ZNF385D: variants seen among roughly 807,000 people sequenced by gnomAD.
ZNF385D encodes zinc finger protein 659.
ZNF385D carries 15 observed loss-of-function variants against 35.8 expected under a neutral mutation model. The observed-to-expected ratio is 0.42, with a 90% CI of 0.28 to 0.64. The LOEUF (loss-of-function observed/expected upper bound fraction) is 0.64, where lower values mean the gene tolerates loss of function less well. Ranked by LOEUF, ZNF385D falls within the 30% of genes least tolerant of loss-of-function variation. ZNF385D has a pLI of 0.23. For missense variants in ZNF385D, 474 were observed against 494.6 expected, an observed-to-expected ratio of 0.96 and a Z score of 0.39; for synonymous variants, 212 against 186.8, an observed-to-expected ratio of 1.13 and a Z score of -1.10.
intron 2 of ZNF385D, among the ~76,000 whole-genome samples, chr3:21,608,023 G>GTTTTTTTTTGTTTTTTTTTTTTTTTTTT (rs1553622610): frequency 1.7e-5 from 2 of 120,220 alleles, no homozygotes; most frequent in African/African-American, 6.4e-5. Context: ...TTTTTTTTTT[G>GTTTTTTTTTGTTTTTTTTTTTTTTTTTT]TTTTTTTTTT....
upstream of ZNF385D, chr3:21,751,296 T>C: frequency 9.2e-7 from 1 of 1,081,168 alleles, no homozygotes; most frequent in Non-Finnish European, 1.1e-6. Context: ...ACTGCCTGCC[T>C]GGACCAACCA....
At chr3:21,857,420 A>G (rs542777861) in intron 3 of ZNF385D, among the ~76,000 whole-genome samples, 1 of 152,138 alleles carries the variant, frequency 6.6e-6, no homozygotes, top group South Asian at 2.1e-4. Flanking sequence ...CTATTTAAGT[A>G]GTTTTAAGAG....
chr3:22,113,666 G>A (rs1178972204), intron 3 of ZNF385D, among the ~76,000 whole-genome samples: 7 of 152,080 alleles, frequency 4.6e-5, no homozygotes, highest in Admixed American at 4.6e-4. Flanking sequence ...TACTAGGAGT[G>A]TCTTAGAAGC....
intron 3 of ZNF385D, among the ~76,000 whole-genome samples, chr3:22,152,006 A>AC (rs1008667685): frequency 6.6e-6 from 1 of 151,516 alleles, no homozygotes; most frequent in African/African-American, 2.4e-5. Flanking sequence ...CTCTCCTTCC[A>AC]CCCTCCACCT....
chr3:21,579,339 G>A (rs536902459), intron 2 of ZNF385D: 1 of 151,958 alleles, frequency 6.6e-6, no homozygotes, highest in Non-Finnish European at 1.5e-5. Flanking sequence ...CTGAAACGTG[G>A]GTCAAATGTT....
chr3:21,598,790 G>A lies in ZNF385D; in HGVS notation c.166-34106C>T, dbSNP rs918595536. Among the ~76,000 whole-genome samples, 28 of 152,150 alleles carry A rather than the reference G, an allele frequency of 1.8e-4. 1 individual carries two copies. Among genetic ancestry groups the A allele is most frequent in the Admixed American group, 1.8e-3 (27 of 15,284 alleles). On this transcript the variant is annotated intron_variant, in intron 2 of 7. Transcript: ENST00000281523. ...ACACAAAACACCCAATGAGTTTCACGACATATGTTCTCATGACCTCTCAGG... is the reference window on the plus strand; with the variant it reads ...ACACAAAACACCCAATGAGTTTCACAACATATGTTCTCATGACCTCTCAGG...
At chr3:21,847,015 C>T (rs1696048917) in intron 3 of ZNF385D, among the ~76,000 whole-genome samples, 1 of 152,022 alleles carries the variant, frequency 6.6e-6, no homozygotes, top group South Asian at 2.1e-4. Context: ...CCTTCTCAAG[C>T]CCCAACCAGG....
In ZNF385D at chr3:21,490,600, T is replaced by C. The variant is rs899737327; in HGVS notation, c.439+20261A>G. Among the ~76,000 whole-genome samples the C allele has an allele frequency of 2.0e-5, 3 of 152,178 alleles. No individual in the cohort carries two copies. In the South Asian group the frequency reaches 6.2e-4, roughly 32 times the overall value. ...GTCTTTTTGTAACTCAGATGTGATA[T>C]TGTGAAAAAGCCTAGGCAATATGTA... On this transcript the variant is annotated intron_variant, in intron 4 of 7. Coordinates refer to ENST00000281523, the MANE Select transcript of ZNF385D (RefSeq NM_024697.3).
At chr3:21,754,295 G>C (rs2070240942), upstream of ZNF385D, among the ~76,000 whole-genome samples, 2 of 152,130 alleles carry the variant, frequency 1.3e-5, no homozygotes, top group Non-Finnish European at 2.9e-5. Context: ...GAGCGACTTA[G>C]CAGCTTCTAG....
chr3:22,066,885 C>T (rs564353713), intron 3 of ZNF385D, among the ~76,000 whole-genome samples: 4 of 152,276 alleles, frequency 2.6e-5, no homozygotes, highest in Admixed American at 1.3e-4. Flanking sequence ...CTTTTACCTA[C>T]GCTGAATGCT....
intron 3 of ZNF385D, among the ~76,000 whole-genome samples, chr3:22,098,828 C>A (rs1200741514): frequency 2.0e-5 from 3 of 151,952 alleles, no homozygotes; most frequent in South Asian, 4.1e-4. Flanking sequence ...TACAGTGATA[C>A]TGATAGAGTA....
chr3:21,898,785 A>G (rs753965571), intron 3 of ZNF385D, among the ~76,000 whole-genome samples: 1 of 152,142 alleles, frequency 6.6e-6, no homozygotes, highest in Non-Finnish European at 1.5e-5. Context: ...CTTTCCCCTG[A>G]TAAAGCAAAG....
chr3:21,501,185 C>G (rs1706333949), intron 4 of ZNF385D, among the ~76,000 whole-genome samples: 1 of 149,088 alleles, frequency 6.7e-6, no homozygotes, highest in Non-Finnish European at 1.5e-5. Context: ...TTGGGGTCTC[C>G]TCTTTTGCCT....
At position 21,787,944 on chromosome 3, in the gene ZNF385D, C is replaced by CAAAA. The variant is rs560982379; in HGVS notation, c.326-122920_326-122917dup. On this transcript the variant is annotated intron_variant, in intron 3 of 5. Coordinates refer to the ZNF385D transcript ENST00000494108. Reference sequence around the variant, plus strand: ...GCGACAGAGCGAGACTTCGTCTCAACAAAAAAAAAAAAAAAAAAAAAAAAA... The same window carrying CAAAA: ...GCGACAGAGCGAGACTTCGTCTCAACAAAAAAAAAAAAAAAAAAAAAAAAAAAAA... Among the ~76,000 whole-genome samples, 26 of 75,382 alleles carry CAAAA rather than the reference C, an allele frequency of 3.4e-4. 2 individuals carry two copies. The highest frequency in any genetic ancestry group is 5.6e-4 in the African/African-American group (10 of 17,828). The allele number at this position is 75,382 out of a possible 152,430, so 49.5% of individuals were successfully genotyped here.
chr3:22,138,222 A>G (rs866162056), intron 3 of ZNF385D, among the ~76,000 whole-genome samples: 2,857 of 152,136 alleles, frequency 0.019, 99 homozygotes, highest in African/African-American at 0.064. Context: ...AATCAATATC[A>G]TGAAAATGGC....
intron 3 of ZNF385D, among the ~76,000 whole-genome samples, chr3:22,005,431 T>A (rs1004340419): frequency 2.6e-5 from 4 of 152,030 alleles, no homozygotes; most frequent in Non-Finnish European, 5.9e-5. Flanking sequence ...TTCAGTAGTG[T>A]CGCAGGGTAA....
At chr3:22,083,096 G>C (rs1403864453) in intron 3 of ZNF385D, among the ~76,000 whole-genome samples, 1 of 152,062 alleles carries the variant, frequency 6.6e-6, no homozygotes, top group Non-Finnish European at 1.5e-5. Flanking sequence ...AAAGACCAAA[G>C]GTAGATAAAA....
At chr3:22,096,214 T>A (rs778593489) in intron 3 of ZNF385D, among the ~76,000 whole-genome samples, 1 of 151,858 alleles carries the variant, frequency 6.6e-6, no homozygotes, top group Non-Finnish European at 1.5e-5. Context: ...GACTGTTGAG[T>A]AGCATGCTCA....
chr3:21,704,730 A>G (rs1274133203), intron 1 of ZNF385D, among the ~76,000 whole-genome samples: 1 of 152,222 alleles, frequency 6.6e-6, no homozygotes, highest in Non-Finnish European at 1.5e-5. Flanking sequence ...AAGCTGCATT[A>G]AATCATGTTT....
Sources: allele counts gnomAD v4.1 joint callset (sites outside exome capture counted in the v4.1 genomes callset), GRCh38; gene constraint gnomAD v4.1.1; transcripts MANE v1.5; gene names NCBI Gene and HGNC (gene_info 2026-07-23, HGNC 2026-07-21).